Variants in XPO5 observed in about 807,000 individuals in gnomAD.
XPO5 encodes the protein exportin-5.
A neutral mutation model predicts 160.6 loss-of-function variants in XPO5; 46 were observed. The ratio of observed to expected loss-of-function variants is 0.29; its 90% CI spans 0.23 to 0.37. The LOEUF is 0.37. Among genes scored for constraint, XPO5 ranks in the 10% least tolerant of loss-of-function variants. The pLI, the probability that XPO5 is intolerant of heterozygous loss-of-function variation, is 1.00. For synonymous variants in XPO5, 537 were observed against 519.3 expected, an observed-to-expected ratio of 1.03 and a Z score of -0.46; for missense variants, 1,090 against 1,463.9, an observed-to-expected ratio of 0.74 and a Z score of 4.17.
At chr6:43,528,074 A>G (rs1157547865) in intron 25 of XPO5, 85 bp downstream of exon 25, 1 of 1,357,350 alleles carries the variant, frequency 7.4e-7, no homozygotes, top group African/African-American at 1.5e-5. Flanking sequence ...ACCCTGGGAC[A>G]GCAGAATCCC....
chr6:43,536,329 C>T (rs529116699), intron 20 of XPO5, among the ~76,000 whole-genome samples: 1 of 151,510 alleles, frequency 6.6e-6, no homozygotes, highest in African/African-American at 2.4e-5. Context: ...GCATAAGAAT[C>T]GCTTGAACCC....
chr6:43,569,501 A>C (rs1028799211), intron 5 of XPO5, among the ~76,000 whole-genome samples: 2 of 151,988 alleles, frequency 1.3e-5, no homozygotes, highest in South Asian at 2.1e-4. Context: ...TGGAAGACCA[A>C]GGCAGGCGGA....
intron 1 of XPO5, among the ~76,000 whole-genome samples, chr6:43,574,099 G>A (rs1448362493): frequency 6.6e-6 from 1 of 151,756 alleles, no homozygotes; most frequent in African/African-American, 2.4e-5. Flanking sequence ...CAAAGTGCTG[G>A]GATTACAGGC....
intron 9 of XPO5, 90 bp from the exon 10 acceptor site, chr6:43,561,097 C>A (rs1762391794): frequency 1.0e-5 from 11 of 1,101,886 alleles, no homozygotes; most frequent in Middle Eastern, 2.0e-4. Flanking sequence ...ATAAATTAAA[C>A]CCTCAAAAAA....
chr6:43,531,695 C>T lies in XPO5; in HGVS notation c.2444-120G>A, dbSNP rs1793990214. The T allele has an allele frequency of 6.0e-6, 5 of 839,988 alleles. No homozygotes were observed. In the East Asian group the frequency reaches 1.3e-4, roughly 21 times the overall value. 52.0% of individuals were successfully genotyped at this position (839,988 alleles called of 1,614,324 possible). A position where few individuals can be genotyped will look rare whatever the true frequency, so the allele number is the denominator to read the frequency against. On this transcript the variant is annotated intron_variant, in intron 21 of 31. Coordinates refer to ENST00000265351, the MANE Select transcript of XPO5 (RefSeq NM_020750.3). ...AGATGTGTGCATGTCTGGTGCTGTA[C>T]TGCAAAGCAGTTGGCTACGTGATTT...
In XPO5 at chr6:43,539,195, T is replaced by C. The variant is rs112297279; in HGVS notation, c.2343-5188A>G. The C allele has an allele frequency of 8.2e-3, 9,355 of 1,134,700 alleles. 454 individuals carry two copies. In the African/African-American group the frequency reaches 0.11, roughly 14 times the overall value. 70.3% of individuals were successfully genotyped at this position (1,134,700 alleles called of 1,614,324 possible). A position where few individuals can be genotyped will look rare whatever the true frequency, so the allele number is the denominator to read the frequency against. On this transcript the variant is annotated intron_variant, in intron 20 of 31. Transcript: ENST00000265351. ...GTGGGGCTTGCCGATCTTGTTCCCC[T>C]AGTAGCCTCTGTGCACGGGGACAAT...
chr6:43,560,269 G>GCTC lies in XPO5; in HGVS notation c.1127_1129dup (p.Gly376dup). 1 of 1,611,788 alleles carries GCTC rather than the reference G, an allele frequency of 6.2e-7. No homozygotes were observed. The highest frequency in any genetic ancestry group is 8.5e-7 in the Non-Finnish European group (1 of 1,178,922). On this transcript the variant is annotated inframe_insertion, in exon 11 of 32. Transcript: ENST00000265351. ...GGACAGGATTTCATGCCTGAAGAGG[G>GCTC]CTCCCCAAGTCATCTGAGTTGAAGA...
At chr6:43,525,642 T>C (rs1793537364) in intron 28 of XPO5, 197 bp downstream of exon 28, 3 of 594,126 alleles carry the variant, frequency 5.0e-6, no homozygotes, top group Non-Finnish European at 8.8e-6. Context: ...TCCTGAGAGC[T>C]CCTGCCTATG....
chr6:43,575,720 G>A lies in XPO5; in HGVS notation c.105+40C>T, dbSNP rs751080534. ...CGCCGGAGCTGCTGGGGCTGGGAGA[G>A]GGTGTCGGGACCGGCCCAGGACGCC... On this transcript the variant is annotated intron_variant, in intron 1 of 31. Transcript: ENST00000265351. 86 of 1,560,646 alleles carry A rather than the reference G, an allele frequency of 5.5e-5. No homozygotes were observed. The South Asian group carries it at 9.0e-4, about 16-fold the overall frequency.
Position 43,524,592 on chromosome 6 carries a change from G to A in XPO5, c.3356C>T (p.Pro1119Leu), listed in dbSNP as rs1793427494. 1 of 1,613,876 alleles carries A rather than the reference G, an allele frequency of 6.2e-7. No individual in the cohort carries two copies. The highest frequency in any genetic ancestry group is 8.5e-7 in the Non-Finnish European group (1 of 1,179,904). ...GTCCAGTGAGTCCTTCTGTATTTCA[G>A]GGATTTGCTCCATTACAGCTCTTAT... Reference protein sequence around the residue: ...LEIRAVMEQIPEIQKDSLDQF... With the variant: ...LEIRAVMEQILEIQKDSLDQF... The change falls in exon 31 of 32, where the codon CCT (proline) becomes CTT (leucine). Residue 1119 changes from proline to leucine, a missense_variant. By Grantham distance (98) the Pro-to-Leu change is moderately conservative. Transcript: ENST00000265351.
Position 43,526,806 on chromosome 6 carries a change from A to C in XPO5, c.2921-59T>G, listed in dbSNP as rs529141454. Reference sequence around the variant, plus strand: ...GTGGGTATATACTACCACAACAGCCACCTCAGGCCCACTGATCCCAACCTG... The same window carrying C: ...GTGGGTATATACTACCACAACAGCCCCCTCAGGCCCACTGATCCCAACCTG... On this transcript the variant is annotated intron_variant, in intron 26 of 31. Coordinates refer to ENST00000265351, the MANE Select transcript of XPO5 (RefSeq NM_020750.3). 5.7e-6 allele frequency: 9 copies of C among 1,565,420 alleles called. No individual in the cohort carries two copies. The African/African-American group carries it at 9.5e-5, about 16-fold the overall frequency.
chr6:43,562,274 C>G lies in XPO5; in HGVS notation c.984G>C (p.Ala328=). The G allele has an allele frequency of 3.1e-6, 5 of 1,608,262 alleles. No individual in the cohort carries two copies. Among genetic ancestry groups the G allele is most frequent in the Non-Finnish European group, 4.2e-6 (5 of 1,177,532 alleles). Residue 328 remains alanine, a synonymous_variant, in exon 9 of 32, where the codon GCG becomes GCC. Coordinates refer to ENST00000265351, the MANE Select transcript of XPO5 (RefSeq NM_020750.3). ...FLKRLCQVLC[A]LGNQLCALLG... Reference sequence around the variant, plus strand: ...GCAATGCACACAGCTGATTGCCCAGCGCACACAACACCTGACAGAGCCTCT... The same window carrying G: ...GCAATGCACACAGCTGATTGCCCAGGGCACACAACACCTGACAGAGCCTCT...
chr6:43,557,211 G>A (rs1475560235), intron 12 of XPO5, among the ~76,000 whole-genome samples: 2 of 151,098 alleles, frequency 1.3e-5, no homozygotes, highest in African/African-American at 4.9e-5. Context: ...TGGATCACGA[G>A]GTCAGGAGAT....
intron 20 of XPO5, among the ~76,000 whole-genome samples, chr6:43,542,342 G>T (rs988695010): frequency 6.6e-6 from 1 of 152,042 alleles, no homozygotes; most frequent in African/African-American, 2.4e-5. Flanking sequence ...GACGCAGGAG[G>T]TGCTATGAAT....
At chr6:43,526,521 G>A in intron 27 of XPO5, 164 bp downstream of exon 27, 1 of 706,998 alleles carries the variant, frequency 1.4e-6, no homozygotes, top group Non-Finnish European at 2.5e-6. Flanking sequence ...AGGCTTGGAG[G>A]TGGGAGTATG....
chr6:43,530,288 A>G (rs895628565), intron 23 of XPO5, among the ~76,000 whole-genome samples: 4 of 151,972 alleles, frequency 2.6e-5, no homozygotes, highest in African/African-American at 7.2e-5. Flanking sequence ...GCTGGGCGTG[A>G]TGGTGCACAC....
intron 20 of XPO5, among the ~76,000 whole-genome samples, chr6:43,541,706 A>C (rs1435193752): frequency 6.6e-6 from 1 of 152,158 alleles, no homozygotes; most frequent in African/African-American, 2.4e-5. Context: ...ACTTAGCATA[A>C]TGTTTTGAAG....
At chr6:43,575,390 G>C (rs1395306502) in intron 1 of XPO5, among the ~76,000 whole-genome samples, 1 of 119,186 alleles carries the variant, frequency 8.4e-6, no homozygotes, top group African/African-American at 3.1e-5. Context: ...GTTGGGGGCG[G>C]GATCTACACG....
At chr6:43,555,113 TG>T (rs919559520) in intron 13 of XPO5, 1 of 152,214 alleles carries the variant, frequency 6.6e-6, no homozygotes, top group African/African-American at 2.4e-5. Context: ...GCTAATTTTT[TG>T]TGTTTTTAGT....
Sources: gnomAD v4.1 joint callset for allele counts (sites outside exome capture counted in the v4.1 genomes callset) on GRCh38, gnomAD v4.1.1 for gene constraint, MANE v1.5 for transcripts, NCBI Gene and HGNC (gene_info 2026-07-23, HGNC 2026-07-21) for gene names.